ABCB1: variants seen among roughly 807,000 people sequenced by gnomAD.
The protein encoded by ABCB1 is ATP binding cassette subfamily B member 1, also known as ATP-dependent translocase ABCB1.
In ABCB1, 69 loss-of-function variants were observed where a neutral mutation model predicts 142.0. The ratio of observed to expected loss-of-function variants is 0.49; its 90% CI spans 0.40 to 0.59. ABCB1 has a LOEUF of 0.59. Ranked by LOEUF, ABCB1 falls within the 20% of genes least tolerant of loss-of-function variation. The pLI, the probability that ABCB1 is intolerant of heterozygous loss-of-function variation, is 0.00. For synonymous variants in ABCB1, 532 were observed against 539.2 expected (o/e 0.99, Z 0.18); for missense variants, 1,326 against 1,554.7 (o/e 0.85, Z 2.47).
rs1815475446 is a variant in ABCB1 at position 87,520,889 on chromosome 7, G to A, written c.2686-13C>T. 6.2e-7 allele frequency: 1 copy of A among 1,602,862 alleles called. No homozygotes were observed. Among genetic ancestry groups the A allele is most frequent in the African/African-American group, 1.3e-5 (1 of 74,654 alleles). ...CTTCAGTAGCGATCTGTAACAGACA[G>A]CACCGATCACCAAGAGGCACAAGAG... On this transcript the variant is annotated splice_polypyrimidine_tract_variant and intron_variant, in intron 21 of 27. Transcript: ENST00000622132.
intron 1 of ABCB1, among the ~76,000 whole-genome samples, chr7:87,665,437 A>G (rs1389390269): frequency 6.6e-6 from 1 of 152,164 alleles, no homozygotes; most frequent in Non-Finnish European, 1.5e-5. Context: ...AAATTGTAGA[A>G]GACACAAATA....
chr7:87,594,862 G>A (rs909672102), intron 3 of ABCB1, among the ~76,000 whole-genome samples: 4 of 152,056 alleles, frequency 2.6e-5, no homozygotes, highest in Non-Finnish European at 4.4e-5. Flanking sequence ...CATTTTGCAA[G>A]ACAATCTATC....
intron 8 of ABCB1, among the ~76,000 whole-genome samples, chr7:87,556,986 C>T (rs1216004879): frequency 6.6e-6 from 1 of 152,146 alleles, no homozygotes; most frequent in African/African-American, 2.4e-5. Context: ...CATCCCATCT[C>T]TGTTCCCACC....
chr7:87,644,866 A>T (rs1360636562), intron 1 of ABCB1, among the ~76,000 whole-genome samples: 1 of 151,924 alleles, frequency 6.6e-6, no homozygotes, highest in Non-Finnish European at 1.5e-5. Context: ...ATTATTTTTG[A>T]TTTGTCCTCA....
At position 87,594,312 on chromosome 7, in the gene ABCB1, G is replaced by C. The variant is rs79882395; in HGVS notation, c.117+1454C>G. Among the ~76,000 whole-genome samples the C allele has an allele frequency of 3.5e-3, 534 of 152,236 alleles. 6 individuals carry two copies. The East Asian group carries it at 0.049, about 14-fold the overall frequency. The stretch of plus-strand genomic sequence containing the variant: ...TATCTTTCTCAAAAGGAGTTGTAAG[G>C]ATTAAATGAGATTAAATATGAAATA... On this transcript the variant is annotated intron_variant, in intron 3 of 27. Coordinates refer to ENST00000622132, the MANE Select transcript of ABCB1 (RefSeq NM_001348946.2).
At chr7:87,574,806 T>C (rs1335250498) in intron 4 of ABCB1, among the ~76,000 whole-genome samples, 8 of 152,174 alleles carry the variant, frequency 5.3e-5, no homozygotes, top group Non-Finnish European at 7.4e-5. Context: ...ACTTACTAAG[T>C]CATACAAAAA....
intron 8 of ABCB1, among the ~76,000 whole-genome samples, chr7:87,554,335 CT>C: frequency 1.1e-5 from 1 of 92,116 alleles, no homozygotes; most frequent in South Asian, 3.0e-4. Context: ...TTAGAAAGTA[CT>C]AAAAAAAAAA....
chr7:87,693,904 A>T (rs753556115), intron 1 of ABCB1: 129 of 1,569,062 alleles, frequency 8.2e-5, no homozygotes, highest in African/African-American at 2.2e-4. Context: ...TTTTTTTTTT[A>T]AAGAGATTTC....
chr7:87,520,859 T>C lies in ABCB1; in HGVS notation c.2703A>G (p.Ile901Met), dbSNP rs1441208915. ...AAGAAACAACGGTTCGGAAGTTTTCTATTGCTTCAGTAGCGATCTGTAACA... is the reference window on the plus strand; with the variant it reads ...AAGAAACAACGGTTCGGAAGTTTTCCATTGCTTCAGTAGCGATCTGTAACA... ...EGSGKIATEAIENFRTVVSLT... is the reference protein window; with the variant it reads ...EGSGKIATEAMENFRTVVSLT... Residue 901 changes from isoleucine (I) to methionine (M), a missense_variant, in exon 22 of 28, where the codon ATA becomes ATG. Transcript: ENST00000622132. 6.2e-7 allele frequency: 1 copy of C among 1,613,928 alleles called. No individual in the cohort carries two copies. Among genetic ancestry groups the C allele is most frequent in the Admixed American group, 1.7e-5 (1 of 60,004 alleles).
rs202177823 is a variant in ABCB1 at position 87,561,305 on chromosome 7, C to T, written c.785G>A (p.Arg262Lys). 3.3e-5 allele frequency: 53 copies of T among 1,614,052 alleles called. No individual in the cohort carries two copies. The South Asian group carries it at 5.7e-4, about 17-fold the overall frequency. ...TTGTCCTCCAAATGCAATCACAGTT[C>T]TAATTGCTGCCAAGACCTCTTCAGC... ...AVAEEVLAAIRTVIAFGGQKK... is the reference protein window; with the variant it reads ...AVAEEVLAAIKTVIAFGGQKK... The change falls in exon 8 of 28, where the codon AGA (arginine) becomes AAA (lysine). Residue 262 changes from arginine (R) to lysine (K), a missense_variant. Coordinates refer to ENST00000622132, the MANE Select transcript of ABCB1 (RefSeq NM_001348946.2).
Position 87,628,732 on chromosome 7 carries a change from C to A in ABCB1, c.-330-27654G>T, listed in dbSNP as rs1820868408. On this transcript the variant is annotated intron_variant, in intron 1 of 28. Coordinates refer to the ABCB1 transcript ENST00000265724. Reference sequence around the variant, plus strand: ...CTTTCCTACATCCTTCCCGCGCCCCCACGGTTGCGGACCGAGCGAGAACCC... The same window carrying A: ...CTTTCCTACATCCTTCCCGCGCCCCAACGGTTGCGGACCGAGCGAGAACCC... The A allele has an allele frequency of 9.0e-6, 7 of 775,158 alleles. No individual in the cohort carries two copies. The South Asian group carries it at 4.1e-4, about 45-fold the overall frequency. 48.0% of individuals were successfully genotyped at this position (775,158 alleles called of 1,614,324 possible).
upstream of ABCB1, among the ~76,000 whole-genome samples, chr7:87,604,146 C>G (rs1320318544): frequency 6.6e-6 from 1 of 151,936 alleles, no homozygotes; most frequent in Non-Finnish European, 1.5e-5. Context: ...CCTATTTTTC[C>G]TTCTCCTATG....
chr7:87,604,088 TTATTA>T (rs1819559048), upstream of ABCB1, among the ~76,000 whole-genome samples: 1 of 152,204 alleles, frequency 6.6e-6, no homozygotes, highest in African/African-American at 2.4e-5. Context: ...TCTGAGTCCT[TTATTA>T]TGAGTATTAA....
chr7:87,611,116 C>T (rs1303851207), intron 1 of ABCB1, among the ~76,000 whole-genome samples: 1 of 152,208 alleles, frequency 6.6e-6, no homozygotes, highest in Non-Finnish European at 1.5e-5. Flanking sequence ...CATATCATAT[C>T]CATGGGTAAG....
chr7:87,585,761 C>G (rs1028936762), intron 3 of ABCB1, 81 bp from the exon 4 acceptor site: 1 of 1,466,258 alleles, frequency 6.8e-7, no homozygotes, highest in Non-Finnish European at 9.3e-7. Context: ...AAAATATATC[C>G]AAAATCCAAA....
At chr7:87,546,533 G>A (rs1816791167) in intron 14 of ABCB1, among the ~76,000 whole-genome samples, 1 of 151,068 alleles carries the variant, frequency 6.6e-6, no homozygotes, top group East Asian at 1.9e-4. Context: ...TCCAGCCTGG[G>A]TGACAGAGTG....
intron 7 of ABCB1, chr7:87,565,444 C>T (rs550040270): frequency 2.2e-6 from 1 of 454,202 alleles, no homozygotes; most frequent in Non-Finnish European, 4.4e-6. Context: ...GTAGAGAGGG[C>T]CACTTCTACC....
At chr7:87,613,257 C>CTTTTTTTTTTTTTTTTTT (rs67823385) in intron 1 of ABCB1, among the ~76,000 whole-genome samples, 11 of 64,208 alleles carry the variant, frequency 1.7e-4, no homozygotes, top group Non-Finnish European at 2.2e-4. Flanking sequence ...TCCTTTATTT[C>CTTTTTTTTTTTTTTTTTT]TTTTTTTTTT....
intron 1 of ABCB1, among the ~76,000 whole-genome samples, chr7:87,617,228 C>T (rs907181200): frequency 1.3e-5 from 2 of 152,178 alleles, no homozygotes; most frequent in Non-Finnish European, 2.9e-5. Flanking sequence ...ACCAGGCAAT[C>T]TTATACTCAG....
Sources: gnomAD v4.1 joint callset for allele counts (sites outside exome capture counted in the v4.1 genomes callset) on GRCh38, gnomAD v4.1.1 for gene constraint, MANE v1.5 for transcripts, NCBI Gene and HGNC (gene_info 2026-07-23, HGNC 2026-07-21) for gene names.